Variants in PDE4D observed in about 807,000 individuals in gnomAD.
The protein encoded by PDE4D is phosphodiesterase 4D, also known as 3',5'-cyclic-AMP phosphodiesterase 4D.
Under a neutral mutation model 87.4 loss-of-function variants are expected in PDE4D, and 24 were observed. The ratio of observed to expected loss-of-function variants is 0.27; its 90% CI spans 0.20 to 0.39. The LOEUF is 0.39. PDE4D is among the 10% of genes least tolerant of loss of function. The pLI is 1.00. For missense variants in PDE4D, 714 were observed against 1,041.0 expected (o/e 0.69, Z 4.32); for synonymous variants, 384 against 383.2 (o/e 1.00, Z -0.02).
At chr5:59,403,335 T>C (rs948266868) in intron 1 of PDE4D, among the ~76,000 whole-genome samples, 9 of 152,218 alleles carry the variant, frequency 5.9e-5, no homozygotes, top group African/African-American at 2.2e-4. Context: ...TATTTTGAGA[T>C]GTATGATAAA....
chr5:59,807,055 G>A (rs1237454625), intron 1 of PDE4D, among the ~76,000 whole-genome samples: 2 of 152,170 alleles, frequency 1.3e-5, no homozygotes, highest in Non-Finnish European at 2.9e-5. Flanking sequence ...GGTGCCCTGG[G>A]AGTGATAATG....
intron 1 of PDE4D, among the ~76,000 whole-genome samples, chr5:59,509,892 A>C (rs1370844106): frequency 6.8e-6 from 1 of 147,044 alleles, no homozygotes; most frequent in Non-Finnish European, 1.5e-5. Flanking sequence ...TATATTATAA[A>C]CTTTATAAAT....
chr5:60,065,826 G>A (rs1310358949), intron 2 of PDE4D, among the ~76,000 whole-genome samples: 1 of 152,138 alleles, frequency 6.6e-6, no homozygotes, highest in Non-Finnish European at 1.5e-5. Flanking sequence ...TCTTAATCCA[G>A]TCTATCGTTG....
In PDE4D at chr5:59,185,199, C is replaced by T. The variant is rs747906766; in HGVS notation, c.748G>A (p.Ala250Thr). ...FAALTNLQDR[A>T]PSKRSPMCNQ... Reference sequence around the variant, plus strand: ...AAAAGGATATCTTACTTGCTAGGTGCTCGATCTTGCAAATTAGTTAATGCA... The same window carrying T: ...AAAAGGATATCTTACTTGCTAGGTGTTCGATCTTGCAAATTAGTTAATGCA... Residue 250 changes from alanine to threonine, a missense_variant, in exon 4 of 15, where the codon GCA becomes ACA. Coordinates refer to ENST00000340635, the MANE Select transcript of PDE4D (RefSeq NM_001104631.2). The T allele has an allele frequency of 4.2e-5, 68 of 1,611,868 alleles. No homozygotes were observed. The highest frequency in any genetic ancestry group is 4.8e-5 in the Non-Finnish European group (57 of 1,178,376).
At chr5:59,780,877 C>T (rs1023080071) in intron 1 of PDE4D, among the ~76,000 whole-genome samples, 10 of 152,050 alleles carry the variant, frequency 6.6e-5, no homozygotes, top group African/African-American at 2.4e-4. Flanking sequence ...TATCTAAAAG[C>T]GATGGTGAGC....
At chr5:59,969,064 A>G (rs1760407088) in intron 3 of PDE4D, among the ~76,000 whole-genome samples, 1 of 150,172 alleles carries the variant, frequency 6.7e-6, no homozygotes, top group Non-Finnish European at 1.5e-5. Flanking sequence ...TATTGATGCC[A>G]GAACCTATTT....
chr5:60,464,075 C>T (rs2150177769), intron 1 of PDE4D, among the ~76,000 whole-genome samples: 1 of 152,216 alleles, frequency 6.6e-6, no homozygotes, highest in African/African-American at 2.4e-5. Context: ...GATCTGTGGG[C>T]TTTTTGTTAA....
At chr5:60,000,609 C>G (rs1179674445) in intron 2 of PDE4D, among the ~76,000 whole-genome samples, 1 of 151,924 alleles carries the variant, frequency 6.6e-6, no homozygotes, top group Non-Finnish European at 1.5e-5. Flanking sequence ...TGCTAGACAG[C>G]AACACAAAGG....
intron 6 of PDE4D, among the ~76,000 whole-genome samples, chr5:59,035,977 A>G (rs1450970510): frequency 6.6e-6 from 1 of 152,224 alleles, no homozygotes; most frequent in Non-Finnish European, 1.5e-5. Flanking sequence ...CAAGAATTCA[A>G]TAATTTTCCT....
At position 59,568,810 on chromosome 5, in the gene PDE4D, G is replaced by T. The variant is rs117329757; in HGVS notation, c.455+324358C>A. Among the ~76,000 whole-genome samples, 38 of 152,132 alleles carry T rather than the reference G, an allele frequency of 2.5e-4. No homozygotes were observed. The East Asian group carries it at 4.4e-3, about 18-fold the overall frequency. On this transcript the variant is annotated intron_variant, in intron 1 of 14. Coordinates refer to ENST00000340635, the MANE Select transcript of PDE4D (RefSeq NM_001104631.2). ...GATAAATGAAACACGAGAACTAAATGCAATGTGGTATCCTGAGTGGGGCCC... is the reference window on the plus strand; with the variant it reads ...GATAAATGAAACACGAGAACTAAATTCAATGTGGTATCCTGAGTGGGGCCC...
chr5:60,291,160 T>G (rs1333823726), intron 1 of PDE4D, among the ~76,000 whole-genome samples: 2 of 152,234 alleles, frequency 1.3e-5, no homozygotes, highest in East Asian at 3.8e-4. Context: ...ATCTTGACAT[T>G]GCCAACCTCC....
intron 5 of PDE4D, among the ~76,000 whole-genome samples, chr5:59,065,870 G>A (rs78873610): frequency 0.043 from 6,579 of 152,134 alleles, 218 homozygotes; most frequent in Non-Finnish European, 0.067. Context: ...ATACCAATTT[G>A]TTTTGTTCCT....
chr5:59,991,060 C>T (rs1455767074), intron 2 of PDE4D, among the ~76,000 whole-genome samples: 6 of 152,126 alleles, frequency 3.9e-5, no homozygotes. Context: ...TTGATCATAA[C>T]TCAATAAGCT....
intron 1 of PDE4D, among the ~76,000 whole-genome samples, chr5:59,596,499 T>C (rs770735469): frequency 1.1e-4 from 17 of 151,594 alleles, no homozygotes; most frequent in Non-Finnish European, 1.9e-4. Context: ...GCTCTAGGGG[T>C]AGTGGGGTTT....
In PDE4D at chr5:59,319,153, C is replaced by CAT. The variant is rs1227231357; in HGVS notation, c.456-103187_456-103186dup. Among the ~76,000 whole-genome samples the CAT allele has an allele frequency of 1.9e-4, 23 of 118,918 alleles. 1 individual carries two copies. In the East Asian group the frequency reaches 2.2e-3, roughly 11 times the overall value. The allele number at this position is 118,918 out of a possible 152,430, so 78.0% of individuals were successfully genotyped here. ...TGCTAATTTCAAATATGAGAGAGTA[C>CAT]ATATATATGTGTGTGTGTGTGTGTG... On this transcript the variant is annotated intron_variant, in intron 1 of 14. Coordinates refer to ENST00000340635, the MANE Select transcript of PDE4D (RefSeq NM_001104631.2).
intron 3 of PDE4D, among the ~76,000 whole-genome samples, chr5:59,938,075 AAAACC>A (rs1375582102): frequency 6.6e-6 from 1 of 152,216 alleles, no homozygotes; most frequent in African/African-American, 2.4e-5. Flanking sequence ...TTCCTTTTCC[AAAACC>A]AGTACAACTA....
intron 2 of PDE4D, among the ~76,000 whole-genome samples, chr5:60,069,169 T>C (rs1489456343): frequency 6.6e-6 from 1 of 152,182 alleles, no homozygotes; most frequent in Non-Finnish European, 1.5e-5. Context: ...ATAGACTGAA[T>C]GTTGGTGTCA....
intron 1 of PDE4D, among the ~76,000 whole-genome samples, chr5:59,684,129 C>T (rs1199330892): frequency 6.6e-6 from 1 of 152,164 alleles, no homozygotes; most frequent in East Asian, 1.9e-4. Flanking sequence ...ACGAGCTAGT[C>T]ACCCTCCAAG....
chr5:59,146,265 G>A (rs1394027397), intron 5 of PDE4D, among the ~76,000 whole-genome samples: 1 of 152,004 alleles, frequency 6.6e-6, no homozygotes, highest in African/African-American at 2.4e-5. Context: ...TATTAACTTG[G>A]TCAGATTCAA....
Sources: gnomAD v4.1 joint callset for allele counts (sites outside exome capture counted in the v4.1 genomes callset) on GRCh38, gnomAD v4.1.1 for gene constraint, MANE v1.5 for transcripts, NCBI Gene and HGNC (gene_info 2026-07-23, HGNC 2026-07-21) for gene names.